POLE: variants seen among roughly 807,000 people sequenced by gnomAD.
The protein encoded by POLE is DNA polymerase epsilon catalytic subunit A.
Under a neutral mutation model 279.2 loss-of-function variants are expected in POLE, and 188 were observed. The observed-to-expected ratio is 0.67, with a 90% confidence interval of 0.60 to 0.76. The LOEUF is 0.76. POLE is among the 30% of genes least tolerant of loss of function. POLE has a pLI of 0.00. For missense variants in POLE, 2,703 were observed against 3,016.7 expected (o/e 0.90, Z 2.44); for synonymous variants, 1,214 against 1,172.5 (o/e 1.04, Z -0.72).
chr12:132,677,040 T>C (rs567272281), intron 8 of POLE, among the ~76,000 whole-genome samples: 1 of 152,198 alleles, frequency 6.6e-6, no homozygotes, highest in Admixed American at 6.5e-5. Context: ...AAAGTCATGT[T>C]TGAACCAAGG....
chr12:132,654,962 G>A (rs1483443680), intron 29 of POLE, among the ~76,000 whole-genome samples: 1 of 152,070 alleles, frequency 6.6e-6, no homozygotes, highest in Admixed American at 6.5e-5. Context: ...CTATTCACAG[G>A]TGCCATCATA....
In POLE at chr12:132,642,967, G is replaced by A. The variant is rs772646117; in HGVS notation, c.4581C>T (p.Gly1527=). The A allele has an allele frequency of 1.4e-5, 22 of 1,596,238 alleles. No homozygotes were observed. Among genetic ancestry groups the A allele is most frequent in the East Asian group, 1.3e-4 (6 of 44,820 alleles). The change falls in exon 36 of 49, where the codon GGC becomes GGT. Residue 1527 remains glycine, a synonymous_variant. Coordinates refer to ENST00000320574, the MANE Select transcript of POLE (RefSeq NM_006231.4). ...GGCCGTGCTCTGCTGAGTACAGGGC[G>A]CCAAGGCTGGGCATCTGGTTGCTGC... ...TVRSNQMPSL[G]ALYSAEHGLL... is the part of the protein sequence containing the mutation.
Position 132,675,078 on chromosome 12 carries a change from C to G in POLE, c.1226+320G>C, listed in dbSNP as rs2043014404. ...CTGTGAGGCAGCCGGGCTGCCACAT[C>G]CCAACCTTGCCTGGGCAGAGCAGCT... On this transcript the variant is annotated intron_variant, in intron 12 of 48. Transcript: ENST00000320574. The surrounding 1 kb of genome is among the most constrained non-coding windows in gnomAD (Gnocchi z 4.3). 6.6e-6 allele frequency among the ~76,000 whole-genome samples: 1 copy of G among 152,166 alleles called. No homozygotes were observed.
In POLE at chr12:132,673,579, G is replaced by A. The variant is rs2042979671; in HGVS notation, c.1355C>T (p.Pro452Leu). 1.2e-6 allele frequency: 2 copies of A among 1,612,044 alleles called. No individual in the cohort carries two copies. Among genetic ancestry groups the A allele is most frequent in the Non-Finnish European group, 1.7e-6 (2 of 1,179,972 alleles). ...GCCGGGATGTGGCTTACGTGCCTGGGGCTGCTCCGTGGCCATCCGGCACAT... is the reference window on the plus strand; with the variant it reads ...GCCGGGATGTGGCTTACGTGCCTGGAGCTGCTCCGTGGCCATCCGGCACAT... ...EDMCRMATEQ[P>L]QTLATYSVSD... is the part of the protein sequence containing the mutation. The change falls in exon 13 of 49, where the codon CCC (proline) becomes CTC (leucine). Residue 452 changes from proline (P) to leucine (L), a missense_variant. Physicochemically the swap from Pro to Leu is moderately conservative, Grantham distance 98. Transcript: ENST00000320574.
At chr12:132,652,643 G>A (rs2042448459) in intron 29 of POLE, among the ~76,000 whole-genome samples, 1 of 152,160 alleles carries the variant, frequency 6.6e-6, no homozygotes, top group African/African-American at 2.4e-5. Flanking sequence ...CACTCAGTGT[G>A]ATACAACAAC....
At chr12:132,674,217 A>T (rs972100516) in intron 12 of POLE, among the ~76,000 whole-genome samples, 1 of 151,864 alleles carries the variant, frequency 6.6e-6, no homozygotes, top group African/African-American at 2.4e-5. Flanking sequence ...CCCACACTCT[A>T]CCCGGAACCT....
At chr12:132,667,776 C>T (rs1362626248) in intron 19 of POLE, 128 bp from the exon 20 acceptor site, 3 of 1,001,162 alleles carry the variant, frequency 3.0e-6, no homozygotes, top group Non-Finnish European at 4.5e-6. Context: ...AGATACACTG[C>T]TAGTTTCTCA....
intron 29 of POLE, chr12:132,650,146 CT>C (rs1415627575): frequency 4.1e-6 from 2 of 484,596 alleles, no homozygotes; most frequent in Non-Finnish European, 7.5e-6. Context: ...GAGTTGGAGG[CT>C]GCGGCGAACT....
In POLE at chr12:132,634,707, C is replaced by G. The variant is rs773185449; in HGVS notation, c.5812-329G>C. On this transcript the variant is annotated intron_variant, in intron 42 of 48. Coordinates refer to ENST00000320574, the MANE Select transcript of POLE (RefSeq NM_006231.4). This position sits in a 1 kb window ranked among gnomAD's most constrained non-coding sequence, Gnocchi z 4.0. Reference sequence around the variant, plus strand: ...GCCAGAGCTTCCCGGTGACTGTTCTCTCCTCTGAGTCCATGAATCTCCTGG... The same window carrying G: ...GCCAGAGCTTCCCGGTGACTGTTCTGTCCTCTGAGTCCATGAATCTCCTGG... Among the ~76,000 whole-genome samples the G allele has an allele frequency of 2.4e-4, 37 of 152,290 alleles. No individual in the cohort carries two copies. Among genetic ancestry groups the G allele is most frequent in the Non-Finnish European group, 1.3e-4 (9 of 68,012 alleles).
Position 132,676,675 on chromosome 12 carries a change from A to G in POLE, c.802-22T>C, listed in dbSNP as rs2043061812. ...GGTCCTGTGGGGACAAAATAAGCATAAAGCCAAGCTCTAAACTCCCCATTA... is the reference window on the plus strand; with the variant it reads ...GGTCCTGTGGGGACAAAATAAGCATGAAGCCAAGCTCTAAACTCCCCATTA... On this transcript the variant is annotated intron_variant, in intron 8 of 48. Coordinates refer to ENST00000320574, the MANE Select transcript of POLE (RefSeq NM_006231.4). The G allele has an allele frequency of 2.0e-6, 3 of 1,510,048 alleles. No homozygotes were observed. Among genetic ancestry groups the G allele is most frequent in the Non-Finnish European group, 2.8e-6 (3 of 1,085,512 alleles). The allele number at this position is 1,510,048 out of a possible 1,614,324, so 93.5% of individuals were successfully genotyped here. A position where few individuals can be genotyped will look rare whatever the true frequency, so the allele number is the denominator to read the frequency against.
chr12:132,646,181 A>T (rs1593742241), intron 32 of POLE, among the ~76,000 whole-genome samples: 2 of 152,218 alleles, frequency 1.3e-5, no homozygotes, highest in African/African-American at 4.8e-5. Context: ...ACCACCAAAG[A>T]GTCTACTGTC....
In POLE at chr12:132,659,501, G is replaced by T; in HGVS notation, c.3069C>A (p.Asn1023Lys). The T allele has an allele frequency of 6.2e-7, 1 of 1,613,956 alleles. No individual in the cohort carries two copies. Among genetic ancestry groups the T allele is most frequent in the South Asian group, 1.1e-5 (1 of 91,080 alleles). ...WLDVLYSKAA[N>K]MPDSELFELI... Reference sequence around the variant, plus strand: ...GCTCGAATAGCTCAGAGTCAGGCATGTTGGCTGCCTAGAGAAAGACAATGG... The same window carrying T: ...GCTCGAATAGCTCAGAGTCAGGCATTTTGGCTGCCTAGAGAAAGACAATGG... The change falls in exon 26 of 49, where the codon AAC becomes AAA. Residue 1023 changes from asparagine to lysine, a missense_variant. Transcript: ENST00000320574.
In POLE at chr12:132,675,678, G is replaced by A. The variant is rs1454160048; in HGVS notation, c.1106+57C>T. ...GACATGGGAAGCGCCCCTGCACCAC[G>A]CAACGCCCTCCCTCTCAAATGCTGC... is the stretch of plus-strand genomic sequence containing the variant. On this transcript the variant is annotated intron_variant, in intron 11 of 48. Transcript: ENST00000320574. The surrounding 1 kb of genome is among the most constrained non-coding windows in gnomAD (Gnocchi z 4.3). The A allele has an allele frequency of 1.2e-5, 19 of 1,567,522 alleles. No individual in the cohort carries two copies. The highest frequency in any genetic ancestry group is 3.3e-5 in the Admixed American group (2 of 59,916).
Position 132,672,653 on chromosome 12 carries a change from T to G in POLE, c.1660A>C (p.Ser554Arg), listed in dbSNP as rs777468981. The change falls in exon 15 of 49, where the codon AGC (serine) becomes CGC (arginine). Residue 554 changes from serine to arginine, a missense_variant. Coordinates refer to ENST00000320574, the MANE Select transcript of POLE (RefSeq NM_006231.4). ...VEALESGVFR[S>R]DIPCRFRMNP... ...ATCCTAAACCGGCAAGGGATATCGCTGCGGAAAACCCCAGACTCGAGGGCC... is the reference window on the plus strand; with the variant it reads ...ATCCTAAACCGGCAAGGGATATCGCGGCGGAAAACCCCAGACTCGAGGGCC... The G allele has an allele frequency of 6.2e-7, 1 of 1,614,100 alleles. No individual in the cohort carries two copies. The highest frequency in any genetic ancestry group is 1.1e-5 in the South Asian group (1 of 91,088).
chr12:132,668,934 A>G lies in POLE; in HGVS notation c.1800T>C (p.Cys600=), dbSNP rs1269147556. The change falls in exon 17 of 49, where the codon TGT becomes TGC. Residue 600 remains cysteine (C), a synonymous_variant. Transcript: ENST00000320574. The surrounding 1 kb of genome is among the most constrained non-coding windows in gnomAD (Gnocchi z 4.0). ...AGGCAAGCTTGCTCTTAATCTCATCACACACCTGCAGAGAAAGCGAAACTC... is the reference window on the plus strand; with the variant it reads ...AGGCAAGCTTGCTCTTAATCTCATCGCACACCTGCAGAGAAAGCGAAACTC... ...VEQVTNFEEV[C]DEIKSKLASL... 1 of 1,613,928 alleles carries G rather than the reference A, an allele frequency of 6.2e-7. No homozygotes were observed. The highest frequency in any genetic ancestry group is 1.3e-5 in the African/African-American group (1 of 74,898).
At chr12:132,662,912 G>C (rs1404664748) in intron 23 of POLE, among the ~76,000 whole-genome samples, 2 of 152,102 alleles carry the variant, frequency 1.3e-5, no homozygotes, top group African/African-American at 2.4e-5. Context: ...AAATAAACGA[G>C]AACAAATGGA....
intron 12 of POLE, among the ~76,000 whole-genome samples, chr12:132,674,919 T>C (rs954784061): frequency 6.8e-6 from 1 of 147,706 alleles, no homozygotes; most frequent in Non-Finnish European, 1.5e-5. Flanking sequence ...AGCCTCCTTC[T>C]GTTGGCATTT....
rs748679246 is a variant in POLE, at chr12:132,681,156, C to T, written c.186G>A (p.Trp62Ter). The change falls in exon 2 of 49, where the codon TGG (tryptophan) becomes TGA (stop). Residue 62 changes from tryptophan (W) to a stop codon, truncating the protein, a stop_gained. Coordinates refer to ENST00000320574, the MANE Select transcript of POLE (RefSeq NM_006231.4). LOFTEE classifies it high-confidence loss of function. ...TGCTTACAGGATGCATGTTAATGAG[C>T]CAGCCTGTCTTCTCACCAGGCTCCT... ...RLKEPGEKTG[W>*]LINMHPTEIL... 6.2e-7 allele frequency: 1 copy of T among 1,613,980 alleles called. No homozygotes were observed. Among genetic ancestry groups the T allele is most frequent in the Non-Finnish European group, 8.5e-7 (1 of 1,180,016 alleles).
At chr12:132,644,077 G>T in intron 32 of POLE, 100 bp from the exon 33 acceptor site, 2 of 1,323,548 alleles carry the variant, frequency 1.5e-6, no homozygotes, top group Non-Finnish European at 1.0e-6. Flanking sequence ...GACTTCTGGT[G>T]CCCCTAGCGA....
Sources: allele counts gnomAD v4.1 joint callset (sites outside exome capture counted in the v4.1 genomes callset), GRCh38; gene constraint gnomAD v4.1.1; non-coding constraint Gnocchi (gnomAD v3.1); transcripts MANE v1.5; gene names NCBI Gene and HGNC (gene_info 2026-07-23, HGNC 2026-07-21).